LRRK2: variants seen among roughly 807,000 people sequenced by gnomAD.
LRRK2 encodes the protein leucine-rich repeat serine/threonine-protein kinase 2.
LRRK2 carries 203 observed loss-of-function variants against 302.6 expected under a neutral mutation model. That is an observed-to-expected ratio of 0.67 (90% CI 0.60 to 0.75). LRRK2 has a LOEUF of 0.75. Among genes scored for constraint, LRRK2 ranks in the 30% least tolerant of loss-of-function variants. The pLI is 0.00. For synonymous variants in LRRK2, 1,066 were observed against 1,031.9 expected, an observed-to-expected ratio of 1.03 and a Z score of -0.63; for missense variants, 2,830 against 2,951.0, an observed-to-expected ratio of 0.96 and a Z score of 0.95.
chr12:40,273,715 G>T (rs1208519816), intron 14 of LRRK2, among the ~76,000 whole-genome samples: 1 of 152,126 alleles, frequency 6.6e-6, no homozygotes, highest in Non-Finnish European at 1.5e-5. Context: ...GAGAAGGATG[G>T]CACTATAATT....
At chr12:40,340,031 G>A (rs1945988734) in intron 40 of LRRK2, among the ~76,000 whole-genome samples, 1 of 152,142 alleles carries the variant, frequency 6.6e-6, no homozygotes, top group South Asian at 2.1e-4. Flanking sequence ...CAAAAATTGG[G>A]TCTTTGCCTG....
chr12:40,253,827 G>A (rs1357017633), intron 11 of LRRK2, among the ~76,000 whole-genome samples: 1 of 152,062 alleles, frequency 6.6e-6, no homozygotes, highest in Non-Finnish European at 1.5e-5. Context: ...TTCCTCCTCT[G>A]TTTTCCTTTA....
intron 20 of LRRK2, among the ~76,000 whole-genome samples, chr12:40,290,467 G>A (rs1944100881): frequency 6.6e-6 from 1 of 151,994 alleles, no homozygotes; most frequent in South Asian, 2.1e-4. Flanking sequence ...TTGTGTAAAG[G>A]TATTTTCTTC....
intron 49 of LRRK2, 161 bp from the exon 50 acceptor site, chr12:40,366,845 C>A: frequency 1.8e-6 from 1 of 556,136 alleles, no homozygotes; most frequent in South Asian, 2.1e-5. Flanking sequence ...TAAAAAAATG[C>A]TGGTCTTTAT....
chr12:40,270,142 C>T (rs987301656), intron 14 of LRRK2, among the ~76,000 whole-genome samples: 14 of 152,012 alleles, frequency 9.2e-5, no homozygotes, highest in South Asian at 2.1e-4. Context: ...ACATAGTATG[C>T]GCTCAATAAA....
chr12:40,247,538 A>G (rs1942044665), intron 7 of LRRK2, among the ~76,000 whole-genome samples: 3 of 88,414 alleles, frequency 3.4e-5, no homozygotes, highest in Admixed American at 3.3e-4. Context: ...ATGTATATAA[A>G]TATACATATT....
intron 17 of LRRK2, 32 bp from the exon 18 acceptor site, chr12:40,278,059 C>T: frequency 6.2e-7 from 1 of 1,613,804 alleles, no homozygotes; most frequent in Non-Finnish European, 8.5e-7. Flanking sequence ...ATGTATTTAT[C>T]TGACTCTAAT....
Position 40,368,047 on chromosome 12 carries a change from C to G in LRRK2, c.*282C>G, listed in dbSNP as rs199690769. 1 of 198,964 alleles carries G rather than the reference C, an allele frequency of 5.0e-6. No individual in the cohort carries two copies. Among genetic ancestry groups the G allele is most frequent in the Non-Finnish European group, 1.0e-5 (1 of 98,512 alleles). 12.3% of individuals were successfully genotyped at this position (198,964 alleles called of 1,614,324 possible). A position where few individuals can be genotyped will look rare whatever the true frequency, so the allele number is the denominator to read the frequency against. On this transcript the variant is annotated 3_prime_UTR_variant, in exon 51 of 51. Coordinates refer to ENST00000298910, the MANE Select transcript of LRRK2 (RefSeq NM_198578.4). ...ATCTGTGAAGTACCTAATTTAAGTA[C>G]TCATACTAAAATTTATAAGGCCGAT...
intron 14 of LRRK2, among the ~76,000 whole-genome samples, chr12:40,269,023 A>G (rs1943131204): frequency 1.3e-5 from 2 of 152,190 alleles, no homozygotes; most frequent in Admixed American, 6.6e-5. Flanking sequence ...TGAAATTGGT[A>G]TATGTACATA....
In LRRK2 at chr12:40,306,663, A is replaced by G. The variant is rs542487750; in HGVS notation, c.3959+697A>G. On this transcript the variant is annotated intron_variant, in intron 28 of 50. Coordinates refer to ENST00000298910, the MANE Select transcript of LRRK2 (RefSeq NM_198578.4). ...ACCTCTCAACTTGACTGTAATATCC[A>G]CCAAGGCAGAGACCATGGCTGTGTT... Among the ~76,000 whole-genome samples, 4 of 152,242 alleles carry G rather than the reference A, an allele frequency of 2.6e-5. No individual in the cohort carries two copies. In the South Asian group the frequency reaches 8.3e-4, roughly 32 times the overall value.
At position 40,305,877 on chromosome 12, in the gene LRRK2, A is replaced by G. The variant is rs557204772; in HGVS notation, c.3870A>G (p.Lys1290=). ...ELRSFPNEMG[K]LSKIWDLPLD... ...GATCCTTTCCCAATGAAATGGGGAA[A>G]TTAAGCAAAATATGGGATCTTCCTT... is the stretch of plus-strand genomic sequence containing the variant. Residue 1290 remains lysine (K), a synonymous_variant, in exon 28 of 51, where the codon AAA becomes AAG. Coordinates refer to ENST00000298910, the MANE Select transcript of LRRK2 (RefSeq NM_198578.4). 1.1e-5 allele frequency: 17 copies of G among 1,613,582 alleles called. No individual in the cohort carries two copies. In the African/African-American group the frequency reaches 1.6e-4, roughly 15 times the overall value.
At chr12:40,353,508 C>A (rs574067144) in intron 44 of LRRK2, among the ~76,000 whole-genome samples, 2 of 60,236 alleles carry the variant, frequency 3.3e-5, no homozygotes, top group African/African-American at 8.1e-5. Flanking sequence ...ACTGGGCAGC[C>A]GGGCAGAGGG....
chr12:40,326,333 G>T (rs1444031978), intron 38 of LRRK2, among the ~76,000 whole-genome samples: 1 of 151,828 alleles, frequency 6.6e-6, no homozygotes. Flanking sequence ...GCGTGGTGGT[G>T]TGGGCGGCTG....
chr12:40,288,959 G>A (rs146347813), intron 20 of LRRK2, among the ~76,000 whole-genome samples: 3 of 151,630 alleles, frequency 2.0e-5, no homozygotes, highest in Admixed American at 2.0e-4. Context: ...TGTGCTTTTT[G>A]TATCCCACTT....
At chr12:40,250,605 C>T (rs1275111866) in intron 8 of LRRK2, among the ~76,000 whole-genome samples, 2 of 152,216 alleles carry the variant, frequency 1.3e-5, no homozygotes, top group African/African-American at 4.8e-5. Context: ...AACCCATCAC[C>T]TAGGTATTAA....
intron 10 of LRRK2, among the ~76,000 whole-genome samples, chr12:40,252,092 T>A (rs1311874251): frequency 1.3e-5 from 2 of 152,304 alleles, no homozygotes; most frequent in East Asian, 3.9e-4. Context: ...CTCCCAAAGA[T>A]ACAAGCTGTA....
At chr12:40,261,653 A>T (rs1942782966) in intron 13 of LRRK2, among the ~76,000 whole-genome samples, 2 of 152,146 alleles carry the variant, frequency 1.3e-5, no homozygotes, top group African/African-American at 4.8e-5. Context: ...AGGTATCAAC[A>T]AGTAACTATG....
At chr12:40,355,370 G>A (rs7976724) in intron 45 of LRRK2, among the ~76,000 whole-genome samples, 116,241 of 151,458 alleles carry the variant, frequency 0.77, 45,441 homozygotes, top group Non-Finnish European at 0.85. Context: ...TAATGGAAAC[G>A]TACTGGAGCA....
intron 41 of LRRK2, among the ~76,000 whole-genome samples, chr12:40,345,379 T>C (rs370801783): frequency 6.6e-6 from 1 of 151,908 alleles, no homozygotes; most frequent in East Asian, 1.9e-4. Flanking sequence ...TCCCAACACT[T>C]TGGGAGGCCG....
Sources: gnomAD v4.1 joint callset for allele counts (sites outside exome capture counted in the v4.1 genomes callset) on GRCh38, gnomAD v4.1.1 for gene constraint, MANE v1.5 for transcripts, NCBI Gene and HGNC (gene_info 2026-07-23, HGNC 2026-07-21) for gene names.